SORCS2: variants seen among roughly 807,000 people sequenced by gnomAD.
SORCS2 encodes VPS10 domain-containing receptor SorCS2.
In SORCS2, 100 loss-of-function variants were observed where a neutral mutation model predicts 141.6. That is an observed-to-expected ratio of 0.71 (90% CI 0.60 to 0.83). SORCS2 has a LOEUF of 0.83. Ranked by LOEUF, SORCS2 falls within the 40% of genes least tolerant of loss-of-function variation. SORCS2 has a pLI of 0.00. For missense variants in SORCS2, 1,646 were observed against 1,560.2 expected (o/e 1.05, Z -0.93); for synonymous variants, 789 against 676.9 (o/e 1.17, Z -2.57).
intron 2 of SORCS2, among the ~76,000 whole-genome samples, chr4:7,517,113 G>A (rs1324852849): frequency 2.0e-5 from 3 of 152,174 alleles, no homozygotes; most frequent in East Asian, 3.9e-4. Flanking sequence ...ACAGCCACCC[G>A]ATTTACTGCT....
intron 2 of SORCS2, among the ~76,000 whole-genome samples, chr4:7,451,208 G>C (rs1302228946): frequency 6.6e-6 from 1 of 152,232 alleles, no homozygotes; most frequent in Non-Finnish European, 1.5e-5. Context: ...GATGGAGTGA[G>C]TGAGTGAATG....
intron 2 of SORCS2, among the ~76,000 whole-genome samples, chr4:7,522,371 A>G (rs1190261127): frequency 6.6e-6 from 1 of 152,238 alleles, no homozygotes; most frequent in African/African-American, 2.4e-5. Flanking sequence ...TGCAGACAGC[A>G]ATTTTCCAAC....
intron 1 of SORCS2, among the ~76,000 whole-genome samples, chr4:7,260,812 C>T (rs763385412): frequency 3.2e-4 from 49 of 152,130 alleles, no homozygotes; most frequent in South Asian, 2.1e-4. Context: ...TGGTGAAAGC[C>T]GGGAAGACAT....
chr4:7,292,249 C>G (rs1716659432), intron 1 of SORCS2, among the ~76,000 whole-genome samples: 1 of 152,006 alleles, frequency 6.6e-6, no homozygotes, highest in African/African-American at 2.4e-5. Context: ...AGGAGGCTCC[C>G]CCGCATTCAC....
At chr4:7,377,145 G>A (rs1722707515) in intron 1 of SORCS2, among the ~76,000 whole-genome samples, 1 of 152,116 alleles carries the variant, frequency 6.6e-6, no homozygotes. Context: ...TTGTACCATG[G>A]GTATTTTCTC....
At chr4:7,715,674 G>A (rs906131567) in intron 17 of SORCS2, among the ~76,000 whole-genome samples, 2 of 152,188 alleles carry the variant, frequency 1.3e-5, no homozygotes, top group African/African-American at 2.4e-5. Flanking sequence ...GCTGCAGCAC[G>A]TCTTCCCCTG....
chr4:7,624,195 A>G (rs954840481), intron 3 of SORCS2, among the ~76,000 whole-genome samples: 8 of 136,682 alleles, frequency 5.9e-5, no homozygotes, highest in African/African-American at 2.5e-5. Flanking sequence ...TCAAGCTGCT[A>G]TCACTGCAGA....
At chr4:7,264,383 G>T (rs944343842) in intron 1 of SORCS2, among the ~76,000 whole-genome samples, 4 of 152,166 alleles carry the variant, frequency 2.6e-5, no homozygotes, top group African/African-American at 9.7e-5. Flanking sequence ...TTGTCCAGGG[G>T]CATGGGATGA....
intron 2 of SORCS2, among the ~76,000 whole-genome samples, chr4:7,517,214 C>T (rs201100856): frequency 2.6e-5 from 4 of 152,240 alleles, no homozygotes; most frequent in East Asian, 1.9e-4. Flanking sequence ...TCAGTGTTGC[C>T]GTTGACTTAT....
At chr4:7,485,899 G>A (rs960726892) in intron 2 of SORCS2, among the ~76,000 whole-genome samples, 1 of 152,186 alleles carries the variant, frequency 6.6e-6, no homozygotes, top group Non-Finnish European at 1.5e-5. Context: ...GCTCTGGGAT[G>A]TGGCACCATG....
chr4:7,477,229 C>A (rs551878548), intron 2 of SORCS2, among the ~76,000 whole-genome samples: 1 of 151,594 alleles, frequency 6.6e-6, no homozygotes, highest in South Asian at 2.1e-4. Context: ...TTGGGAATAG[C>A]CTGAGTCATT....
chr4:7,704,337 G>A, intron 14 of SORCS2, 53 bp downstream of exon 14: 4 of 1,454,522 alleles, frequency 2.8e-6, no homozygotes, highest in Non-Finnish European at 3.7e-6. Flanking sequence ...AGCCATGCTG[G>A]GCCTCCCTGG....
chr4:7,558,061 G>C (rs1318991197), intron 3 of SORCS2, among the ~76,000 whole-genome samples: 1 of 152,190 alleles, frequency 6.6e-6, no homozygotes, highest in Non-Finnish European at 1.5e-5. Context: ...AGGAGGTGTT[G>C]AGTGAGGAGG....
chr4:7,402,751 A>G (rs1283757660), intron 2 of SORCS2, among the ~76,000 whole-genome samples: 1 of 152,092 alleles, frequency 6.6e-6, no homozygotes, highest in Non-Finnish European at 1.5e-5. Context: ...CCATGTTTGC[A>G]CTCAAGTGGG....
intron 1 of SORCS2, among the ~76,000 whole-genome samples, chr4:7,388,988 A>G (rs13142618): frequency 0.29 from 44,414 of 151,962 alleles, 6,756 homozygotes; most frequent in East Asian, 0.54. Context: ...CTTCCCTGAA[A>G]TGGGATCTCC....
intron 1 of SORCS2, among the ~76,000 whole-genome samples, chr4:7,307,549 C>T (rs1255156464): frequency 6.6e-6 from 1 of 152,224 alleles, no homozygotes; most frequent in African/African-American, 2.4e-5. Flanking sequence ...CAGGCTGGGG[C>T]AGGTCAGGGC....
chr4:7,461,320 C>T (rs1729294330), intron 2 of SORCS2, among the ~76,000 whole-genome samples: 1 of 152,200 alleles, frequency 6.6e-6, no homozygotes, highest in Admixed American at 6.5e-5. Context: ...CCCTCCTTCC[C>T]CTCTGCCTTT....
chr4:7,413,932 G>T (rs1414860907), intron 2 of SORCS2, among the ~76,000 whole-genome samples: 1 of 152,092 alleles, frequency 6.6e-6, no homozygotes, highest in Non-Finnish European at 1.5e-5. Flanking sequence ...TGGGATTCTG[G>T]CGTGGCTTTG....
Position 7,717,757 on chromosome 4 carries a change from G to A in SORCS2, c.2253-255G>A, listed in dbSNP as rs1560108429. ...GTGAGTAATATGATCAGACCACGGA[G>A]ATGCCAGCGCCTCCGAAGCACATCC... On this transcript the variant is annotated intron_variant, in intron 17 of 26. Coordinates refer to ENST00000507866, the MANE Select transcript of SORCS2 (RefSeq NM_020777.3). Among the ~76,000 whole-genome samples, 4 of 152,338 alleles carry A rather than the reference G, an allele frequency of 2.6e-5. No homozygotes were observed. In the East Asian group the frequency reaches 7.7e-4, roughly 29 times the overall value.
Sources: gnomAD v4.1 joint callset for allele counts (sites outside exome capture counted in the v4.1 genomes callset) on GRCh38, gnomAD v4.1.1 for gene constraint, MANE v1.5 for transcripts, NCBI Gene and HGNC (gene_info 2026-07-23, HGNC 2026-07-21) for gene names.